CDC73: variants seen among roughly 807,000 people sequenced by gnomAD.
CDC73 encodes the protein cell division cycle 73.
In CDC73, 21 loss-of-function variants were observed where a neutral mutation model predicts 83.7. The ratio of observed to expected loss-of-function variants is 0.25; its 90% CI spans 0.18 to 0.36. The LOEUF (loss-of-function observed/expected upper bound fraction) is 0.36, where lower values mean the gene tolerates loss of function less well. CDC73 is among the 10% of genes least tolerant of loss of function. CDC73 has a pLI of 1.00. For synonymous variants in CDC73, 224 were observed against 212.9 expected (o/e 1.05, Z -0.45); for missense variants, 342 against 653.3 (o/e 0.52, Z 5.19).
chr1:193,204,192 C>T (rs1362161866), intron 11 of CDC73, among the ~76,000 whole-genome samples: 1 of 115,370 alleles, frequency 8.7e-6, no homozygotes, highest in African/African-American at 3.2e-5. Flanking sequence ...TACACACACA[C>T]ACATATATAT....
intron 10 of CDC73, among the ~76,000 whole-genome samples, chr1:193,184,870 T>A (rs1018962116): frequency 2.6e-5 from 4 of 151,998 alleles, no homozygotes; most frequent in Non-Finnish European, 5.9e-5. Context: ...TACATATTTT[T>A]AAAAAATGTT....
chr1:193,124,833 G>A (rs903739552), intron 1 of CDC73, among the ~76,000 whole-genome samples: 1 of 152,184 alleles, frequency 6.6e-6, no homozygotes, highest in East Asian at 1.9e-4. Flanking sequence ...TTTCTCTATT[G>A]GTAAAGCCCA....
chr1:193,221,911 G>A (rs1677477198), intron 13 of CDC73, among the ~76,000 whole-genome samples: 1 of 151,964 alleles, frequency 6.6e-6, no homozygotes, highest in Non-Finnish European at 1.5e-5. Context: ...CACAATTATG[G>A]TACTGGCTGT....
At chr1:193,220,365 T>A (rs1558315422) in intron 13 of CDC73, among the ~76,000 whole-genome samples, 1 of 151,946 alleles carries the variant, frequency 6.6e-6, no homozygotes, top group Non-Finnish European at 1.5e-5. Context: ...GGTTTCACCA[T>A]GTTGGTCAGG....
intron 13 of CDC73, among the ~76,000 whole-genome samples, chr1:193,222,756 C>CTTTTT (rs59773568): frequency 1.7e-5 from 2 of 117,192 alleles, no homozygotes; most frequent in Admixed American, 9.2e-5. Flanking sequence ...ATGAAATAAG[C>CTTTTT]TTTTTTTTTT....
intron 10 of CDC73, among the ~76,000 whole-genome samples, chr1:193,173,159 T>A (rs1676547929): frequency 6.6e-6 from 1 of 152,232 alleles, no homozygotes; most frequent in East Asian, 1.9e-4. Flanking sequence ...TTTTTTGTGA[T>A]CTTTTTCCTT....
At chr1:193,126,712 A>G (rs1009713113) in intron 2 of CDC73, among the ~76,000 whole-genome samples, 3 of 152,206 alleles carry the variant, frequency 2.0e-5, no homozygotes, top group Non-Finnish European at 2.9e-5. Context: ...TATGAAATGT[A>G]TTTATAAATA....
chr1:193,204,376 G>A (rs1187002031), intron 11 of CDC73, among the ~76,000 whole-genome samples: 2 of 149,032 alleles, frequency 1.3e-5, no homozygotes, highest in African/African-American at 5.0e-5. Context: ...TGCAAGCTCC[G>A]CCTCCTGGGT....
At chr1:193,195,964 G>A (rs2103171717) in intron 10 of CDC73, among the ~76,000 whole-genome samples, 1 of 152,182 alleles carries the variant, frequency 6.6e-6, no homozygotes, top group Non-Finnish European at 1.5e-5. Flanking sequence ...CCTTTTCACT[G>A]TGTTGATATC....
rs554432196 is a variant in CDC73, at chr1:193,250,372, A to G, written c.1560-304A>G. Among the ~76,000 whole-genome samples, 10 of 152,000 alleles carry G rather than the reference A, an allele frequency of 6.6e-5. 1 individual carries two copies. The South Asian group carries it at 1.9e-3, about 28-fold the overall frequency. ...TTTAAGAACAGCCTATAATCACAGT[A>G]AATACCACTGAATCGGTTCTCTTTG... On this transcript the variant is annotated intron_variant, in intron 16 of 16. Coordinates refer to ENST00000367435, the MANE Select transcript of CDC73 (RefSeq NM_024529.5).
At chr1:193,190,365 T>C (rs1676898456) in intron 10 of CDC73, among the ~76,000 whole-genome samples, 1 of 152,190 alleles carries the variant, frequency 6.6e-6, no homozygotes, top group African/African-American at 2.4e-5. Flanking sequence ...GACAAATGGC[T>C]TGTTTTTGGT....
intron 10 of CDC73, among the ~76,000 whole-genome samples, chr1:193,170,872 T>A (rs1204653134): frequency 3.9e-5 from 6 of 152,176 alleles, no homozygotes; most frequent in Non-Finnish European, 1.5e-5. Flanking sequence ...GGAGGCAACA[T>A]CTTTCTAAAA....
At chr1:193,218,383 G>T (rs1424256701) in intron 13 of CDC73, among the ~76,000 whole-genome samples, 1 of 152,160 alleles carries the variant, frequency 6.6e-6, no homozygotes, top group African/African-American at 2.4e-5. Context: ...CAAACTACCA[G>T]ATTTCATTTT....
Position 193,215,849 on chromosome 1 carries a change from C to T in CDC73, c.1154+3372C>T, listed in dbSNP as rs183133797. Among the ~76,000 whole-genome samples the T allele has an allele frequency of 2.1e-4, 32 of 152,106 alleles. No individual in the cohort carries two copies. The East Asian group carries it at 4.4e-3, about 21-fold the overall frequency. ...AAGTGAGCTGCCTGCCTTGGCCTCC[C>T]GAAGGGCTGGGATTACAGGGATGAG... On this transcript the variant is annotated intron_variant, in intron 13 of 16. Transcript: ENST00000367435.
chr1:193,222,455 A>G (rs974041591), intron 13 of CDC73, among the ~76,000 whole-genome samples: 2 of 152,214 alleles, frequency 1.3e-5, no homozygotes, highest in African/African-American at 4.8e-5. Flanking sequence ...AAAATGATCT[A>G]GCCACTTTGG....
At chr1:193,206,521 T>C (rs201949607) in intron 11 of CDC73, among the ~76,000 whole-genome samples, 1 of 152,356 alleles carries the variant, frequency 6.6e-6, no homozygotes, top group East Asian at 1.9e-4. Context: ...GCCAAAACTG[T>C]TAAATGCATC....
rs67477778 is a variant in CDC73 at position 193,144,112 on chromosome 1, C to CAAAAAAAAAAA, written c.729+2056_729+2066dup. ...GTGACAGAGTGAGACTCTGTCTCAC[C>CAAAAAAAAAAA]AAAAAAAAAAAAAAAAAAAATTTCA... On this transcript the variant is annotated intron_variant, in intron 7 of 16. Transcript: ENST00000367435. Among the ~76,000 whole-genome samples, 471 of 64,284 alleles carry CAAAAAAAAAAA rather than the reference C, an allele frequency of 7.3e-3. 32 individuals are homozygous for CAAAAAAAAAAA. The highest frequency in any genetic ancestry group is 0.012 in the African/African-American group (194 of 16,364). 42.2% of individuals were successfully genotyped at this position (64,284 alleles called of 152,430 possible).
rs1572139851 is a variant in CDC73, at chr1:193,122,299, C to T, written c.99C>T (p.Pro33=). 1 of 1,614,110 alleles carries T rather than the reference C, an allele frequency of 6.2e-7. No individual in the cohort carries two copies. Among genetic ancestry groups the T allele is most frequent in the Non-Finnish European group, 8.5e-7 (1 of 1,179,984 alleles). The change falls in exon 1 of 17, where the codon CCC becomes CCT. Residue 33 remains proline, a synonymous_variant. Transcript: ENST00000367435. ...TGATCTTCGGGGAGTTCTCCTGGCC[C>T]AAGAATGTGAAGACCAACTATGTTG... is the stretch of plus-strand genomic sequence containing the variant. ...DEVIFGEFSW[P]KNVKTNYVVW...
At chr1:193,227,026 CT>C (rs1410202857) in intron 13 of CDC73, among the ~76,000 whole-genome samples, 1 of 151,950 alleles carries the variant, frequency 6.6e-6, no homozygotes, top group African/African-American at 2.4e-5. Context: ...GTATCCAGTT[CT>C]TCCTGATTTA....
Sources: allele counts gnomAD v4.1 joint callset (sites outside exome capture counted in the v4.1 genomes callset), GRCh38; gene constraint gnomAD v4.1.1; transcripts MANE v1.5; gene names NCBI Gene and HGNC (gene_info 2026-07-23, HGNC 2026-07-21).